NPAS3: variants seen among roughly 807,000 people sequenced by gnomAD.
The protein encoded by NPAS3 is neuronal PAS domain protein 3.
Under a neutral mutation model 73.1 loss-of-function variants are expected in NPAS3, and 14 were observed. That is an observed-to-expected ratio of 0.19 (90% CI 0.13 to 0.30). NPAS3 has a LOEUF of 0.30. Ranked by LOEUF, NPAS3 falls within the 10% of genes least tolerant of loss-of-function variation. NPAS3 has a pLI of 1.00. For missense variants in NPAS3, 1,096 were observed against 1,250.0 expected, an observed-to-expected ratio of 0.88 and a Z score of 1.86; for synonymous variants, 620 against 541.5, an observed-to-expected ratio of 1.14 and a Z score of -2.01.
chr14:33,691,274 G>A (rs2060229467), intron 6 of NPAS3, among the ~76,000 whole-genome samples: 2 of 152,084 alleles, frequency 1.3e-5, no homozygotes, highest in Admixed American at 6.6e-5. Context: ...GGGATGTGGA[G>A]GTACAGTTTA....
intron 5 of NPAS3, chr14:33,586,095 A>G (rs1165927770): frequency 2.0e-5 from 3 of 151,864 alleles, no homozygotes; most frequent in African/African-American, 7.3e-5. Flanking sequence ...GACAATCATA[A>G]AACACCTGAG....
intron 5 of NPAS3, among the ~76,000 whole-genome samples, chr14:33,648,644 T>C (rs2058903029): frequency 6.6e-6 from 1 of 152,226 alleles, no homozygotes; most frequent in African/African-American, 2.4e-5. Flanking sequence ...TCCTCTGGAC[T>C]GGCATAGAGT....
At chr14:33,033,452 C>A (rs2040063815) in intron 1 of NPAS3, among the ~76,000 whole-genome samples, 1 of 152,018 alleles carries the variant, frequency 6.6e-6, no homozygotes, top group African/African-American at 2.4e-5. Context: ...GCACTCCAGC[C>A]TGGGCAACAG....
At chr14:33,378,784 ATTTG>A (rs1477756910) in intron 4 of NPAS3, among the ~76,000 whole-genome samples, 2 of 152,174 alleles carry the variant, frequency 1.3e-5, no homozygotes. Flanking sequence ...ATCAGGCAGA[ATTTG>A]TTTGGGGCAT....
intron 6 of NPAS3, among the ~76,000 whole-genome samples, chr14:33,732,110 G>T (rs2061416763): frequency 6.6e-6 from 1 of 152,152 alleles, no homozygotes; most frequent in Non-Finnish European, 1.5e-5. Flanking sequence ...ACTCTAAAAT[G>T]CTTCTTAGAC....
At chr14:33,036,022 T>G (rs893925373) in intron 1 of NPAS3, among the ~76,000 whole-genome samples, 1 of 152,208 alleles carries the variant, frequency 6.6e-6, no homozygotes, top group Non-Finnish European at 1.5e-5. Context: ...CTTTACAATC[T>G]AGGTACAACC....
At chr14:33,573,530 A>G (rs1239766086) in intron 5 of NPAS3, among the ~76,000 whole-genome samples, 1 of 152,202 alleles carries the variant, frequency 6.6e-6, no homozygotes, top group East Asian at 1.9e-4. Context: ...AGAAAAAGTA[A>G]CGCTTTTGGT....
intron 2 of NPAS3, among the ~76,000 whole-genome samples, chr14:33,076,909 A>C (rs1246522274): frequency 6.6e-6 from 1 of 152,354 alleles, no homozygotes; most frequent in African/African-American, 2.4e-5. Context: ...ATTCTACAAA[A>C]AGTTTTTCTA....
Position 33,551,348 on chromosome 14 carries a change from T to C in NPAS3, c.469-8773T>C, listed in dbSNP as rs10135288. Among the ~76,000 whole-genome samples, 1,402 of 152,310 alleles carry C rather than the reference T, an allele frequency of 9.2e-3. 22 individuals are homozygous for C. Among genetic ancestry groups the C allele is most frequent in the African/African-American group, 0.031 (1,305 of 41,570 alleles). On this transcript the variant is annotated intron_variant, in intron 4 of 11. Coordinates refer to ENST00000356141, the Ensembl canonical transcript of NPAS3. The stretch of plus-strand genomic sequence containing the variant: ...ACCTCCTTACCTAAAGAAATACCTG[T>C]ACAAAGCATTTATTATTTTGTCTTA...
chr14:33,069,401 T>C (rs1172450416), intron 2 of NPAS3, among the ~76,000 whole-genome samples: 1 of 152,208 alleles, frequency 6.6e-6, no homozygotes, highest in East Asian at 1.9e-4. Flanking sequence ...ATTTATTCAG[T>C]CCACAAACTT....
intron 4 of NPAS3, among the ~76,000 whole-genome samples, chr14:33,474,869 C>A (rs144048998): frequency 2.7e-3 from 415 of 152,250 alleles, no homozygotes; most frequent in African/African-American, 9.3e-3. Flanking sequence ...TAGTCTTATG[C>A]TAACTGTACC....
At chr14:32,999,313 C>T (rs776204481) in intron 1 of NPAS3, among the ~76,000 whole-genome samples, 1 of 152,082 alleles carries the variant, frequency 6.6e-6, no homozygotes, top group Admixed American at 6.6e-5. Context: ...AGATTGAGAC[C>T]ATCCTGGCTA....
chr14:33,576,329 C>T (rs1004797071), intron 5 of NPAS3, among the ~76,000 whole-genome samples: 5 of 152,106 alleles, frequency 3.3e-5, no homozygotes, highest in African/African-American at 1.2e-4. Context: ...TGTGCTGATA[C>T]GATGTTTCCT....
intron 1 of NPAS3, among the ~76,000 whole-genome samples, chr14:32,986,268 G>A (rs567273768): frequency 2.0e-5 from 3 of 152,296 alleles, no homozygotes; most frequent in Non-Finnish European, 4.4e-5. Context: ...TGAGAACAGG[G>A]TGGGAATGTT....
intron 3 of NPAS3, among the ~76,000 whole-genome samples, chr14:33,356,810 G>A (rs2045356572): frequency 6.6e-6 from 1 of 152,232 alleles, no homozygotes; most frequent in African/African-American, 2.4e-5. Flanking sequence ...TTCAAAGAAA[G>A]AAACATATTA....
At position 32,985,629 on chromosome 14, in the gene NPAS3, CA is replaced by C. The variant is rs1437304958; in HGVS notation, c.50+46267del. ...CCAGCTAGGTATTATGTTTAAAAAA[CA>C]AAACAAAACACAAAAATCAACAAAC... is the stretch of plus-strand genomic sequence containing the variant. On this transcript the variant is annotated intron_variant, in intron 1 of 11. Transcript: ENST00000356141. Among the ~76,000 whole-genome samples, 3 of 151,874 alleles carry C rather than the reference CA, an allele frequency of 2.0e-5. No individual in the cohort carries two copies. The East Asian group carries it at 5.8e-4, about 29-fold the overall frequency.
chr14:33,172,809 T>C (rs1203069967), intron 2 of NPAS3, among the ~76,000 whole-genome samples: 3 of 152,154 alleles, frequency 2.0e-5, no homozygotes, highest in East Asian at 1.9e-4. Flanking sequence ...ATATCAAAAA[T>C]TGTCTACTTA....
intron 4 of NPAS3, among the ~76,000 whole-genome samples, chr14:33,545,776 G>A (rs187193141): frequency 6.6e-6 from 1 of 152,300 alleles, no homozygotes; most frequent in East Asian, 1.9e-4. Flanking sequence ...TAGAGTCATG[G>A]TTTTCATGGT....
chr14:32,992,367 C>T (rs865949869), intron 1 of NPAS3, among the ~76,000 whole-genome samples: 32 of 152,168 alleles, frequency 2.1e-4, no homozygotes, highest in Admixed American at 9.8e-4. Context: ...ATTTCTGTTC[C>T]GATATGTTCT....
Sources: allele counts gnomAD v4.1 joint callset (sites outside exome capture counted in the v4.1 genomes callset), GRCh38; gene constraint gnomAD v4.1.1; transcripts MANE v1.5; gene names NCBI Gene and HGNC (gene_info 2026-07-23, HGNC 2026-07-21).